Variants in MACROD1 observed in about 807,000 individuals in gnomAD.
The protein encoded by MACROD1 is ADP-ribose glycohydrolase MACROD1.
Under a neutral mutation model 41.4 loss-of-function variants are expected in MACROD1, and 31 were observed. The ratio of observed to expected loss-of-function variants is 0.75; its 90% CI spans 0.56 to 1.01. The LOEUF is 1.01. MACROD1 is among the 50% of genes least tolerant of loss of function. The pLI is 0.00. For synonymous variants in MACROD1, 252 were observed against 203.4 expected (o/e 1.24, Z -2.03); for missense variants, 473 against 460.0 (o/e 1.03, Z -0.26).
chr11:64,144,148 C>A (rs958235699), intron 3 of MACROD1, among the ~76,000 whole-genome samples: 1 of 151,808 alleles, frequency 6.6e-6, no homozygotes, highest in Non-Finnish European at 1.5e-5. Flanking sequence ...CACAGTGTCC[C>A]GTCCACCTCG....
chr11:64,048,144 C>G (rs1244723411), intron 3 of MACROD1, among the ~76,000 whole-genome samples: 1 of 152,202 alleles, frequency 6.6e-6, no homozygotes, highest in African/African-American at 2.4e-5. Context: ...GGGGCCCTGC[C>G]CCCACGACAG....
At chr11:64,039,138 A>G (rs1256214470) in intron 3 of MACROD1, among the ~76,000 whole-genome samples, 2 of 152,134 alleles carry the variant, frequency 1.3e-5, no homozygotes, top group Non-Finnish European at 2.9e-5. Flanking sequence ...GGGCAGTGGG[A>G]AATGCCCCAG....
At chr11:64,008,742 C>T (rs971532177) in intron 4 of MACROD1, among the ~76,000 whole-genome samples, 6 of 152,180 alleles carry the variant, frequency 3.9e-5, no homozygotes, top group African/African-American at 1.4e-4. Flanking sequence ...CCCACACAGG[C>T]AGGCTCGGCT....
At chr11:64,078,787 G>T (rs928848582) in intron 3 of MACROD1, among the ~76,000 whole-genome samples, 3 of 152,092 alleles carry the variant, frequency 2.0e-5, no homozygotes, top group African/African-American at 4.8e-5. Flanking sequence ...GTGACTGCAG[G>T]GGGGGAGGCC....
chr11:64,143,028 C>T (rs1462536591), intron 3 of MACROD1, among the ~76,000 whole-genome samples: 1 of 149,584 alleles, frequency 6.7e-6, no homozygotes, highest in Non-Finnish European at 1.5e-5. Context: ...ATGGGAGGAA[C>T]GCTTGACCCC....
chr11:64,086,388 G>C (rs943187314), intron 3 of MACROD1, among the ~76,000 whole-genome samples: 1 of 151,934 alleles, frequency 6.6e-6, no homozygotes, highest in Admixed American at 6.6e-5. Flanking sequence ...GACTACCCCC[G>C]AGCTCAGAGG....
chr11:64,151,011 T>C (rs1027924405), intron 3 of MACROD1, among the ~76,000 whole-genome samples: 1 of 152,130 alleles, frequency 6.6e-6, no homozygotes. Flanking sequence ...CCCCGGCCAC[T>C]AATGGGTCTC....
intron 3 of MACROD1, among the ~76,000 whole-genome samples, chr11:64,041,530 G>C (rs1259402755): frequency 6.6e-6 from 1 of 152,036 alleles, no homozygotes; most frequent in Non-Finnish European, 1.5e-5. Flanking sequence ...GGGACACCTG[G>C]CTGGTTCTGA....
chr11:64,021,859 C>T (rs993001485), intron 3 of MACROD1, among the ~76,000 whole-genome samples: 7 of 149,422 alleles, frequency 4.7e-5, no homozygotes, highest in African/African-American at 1.5e-4. Context: ...AAAGACAGCA[C>T]GAGAATCAAC....
At chr11:64,016,805 G>A (rs1320787099) in intron 3 of MACROD1, among the ~76,000 whole-genome samples, 7 of 152,196 alleles carry the variant, frequency 4.6e-5, no homozygotes, top group African/African-American at 4.8e-5. Context: ...AGTGGTGCCA[G>A]CGAGGCAGTG....
At chr11:64,042,602 G>T (rs1042211272) in intron 3 of MACROD1, among the ~76,000 whole-genome samples, 26 of 152,242 alleles carry the variant, frequency 1.7e-4, no homozygotes, top group Admixed American at 1.4e-3. Flanking sequence ...GGCCAGGCCT[G>T]TGGGGGTCTT....
chr11:64,095,368 C>T (rs952376162), intron 3 of MACROD1, among the ~76,000 whole-genome samples: 2 of 152,184 alleles, frequency 1.3e-5, no homozygotes, highest in African/African-American at 2.4e-5. Context: ...CAAAGTCTGG[C>T]CGCCTGGGCC....
intron 1 of MACROD1, among the ~76,000 whole-genome samples, chr11:64,164,962 G>A (rs531154815): frequency 2.0e-5 from 3 of 152,134 alleles, no homozygotes; most frequent in South Asian, 2.1e-4. Context: ...AGAGGAAGTG[G>A]TGTGATTCTT....
chr11:64,159,996 C>A (rs1247673987), intron 1 of MACROD1, among the ~76,000 whole-genome samples: 1 of 152,038 alleles, frequency 6.6e-6, no homozygotes, highest in Non-Finnish European at 1.5e-5. Flanking sequence ...AAAGGAGTGT[C>A]CAGGGGGAAG....
chr11:63,999,827 C>G, intron 5 of MACROD1, 64 bp from the exon 6 acceptor site: 1 of 1,539,162 alleles, frequency 6.5e-7, no homozygotes, highest in Non-Finnish European at 8.8e-7. Flanking sequence ...CTCGCTTCCC[C>G]CTGCCGGCCT....
intron 6 of MACROD1, 38 bp from the exon 7 acceptor site, chr11:63,999,598 C>G: frequency 6.2e-7 from 1 of 1,609,642 alleles, no homozygotes; most frequent in Non-Finnish European, 8.5e-7. Context: ...GGAACATTGT[C>G]ACTGCGCCCC....
intron 3 of MACROD1, among the ~76,000 whole-genome samples, chr11:64,045,476 C>T (rs1310789200): frequency 6.6e-6 from 1 of 152,186 alleles, no homozygotes; most frequent in African/African-American, 2.4e-5. Context: ...GTTTCTGCAG[C>T]GTGGGCCCTG....
chr11:64,005,022 CTTTA>C (rs60973367), intron 4 of MACROD1, among the ~76,000 whole-genome samples: 7 of 147,568 alleles, frequency 4.7e-5, no homozygotes, highest in East Asian at 2.0e-4. Context: ...CTAAGATCCA[CTTTA>C]TTTATTTATT....
intron 3 of MACROD1, among the ~76,000 whole-genome samples, chr11:64,022,705 A>C (rs1017300913): frequency 6.6e-6 from 1 of 152,098 alleles, no homozygotes; most frequent in African/African-American, 2.4e-5. Flanking sequence ...CTGTCCCCCC[A>C]GGCCAAGGTC....
Sources: gnomAD v4.1 joint callset for allele counts (sites outside exome capture counted in the v4.1 genomes callset) on GRCh38, gnomAD v4.1.1 for gene constraint, MANE v1.5 for transcripts, NCBI Gene and HGNC (gene_info 2026-07-23, HGNC 2026-07-21) for gene names.